The following AAMDC variants were observed in gnomAD, a reference collection of about 807,000 sequenced individuals.
The protein encoded by AAMDC is adipogenesis associated Mth938 domain containing.
AAMDC carries 16 observed loss-of-function variants against 15.5 expected under a neutral mutation model. The ratio of observed to expected loss-of-function variants is 1.03; its 90% CI spans 0.70 to 1.57. The LOEUF (loss-of-function observed/expected upper bound fraction) is 1.57. Ranked by LOEUF, AAMDC falls within the 40% of genes most tolerant of loss-of-function variation. AAMDC has a pLI of 0.00. For missense variants in AAMDC, 141 were observed against 144.9 expected (o/e 0.97, Z 0.14); for synonymous variants, 51 against 51.6 (o/e 0.99, Z 0.05).
intron 5 of AAMDC, among the ~76,000 whole-genome samples, chr11:77,886,837 C>A (rs898293687): frequency 2.0e-5 from 3 of 152,094 alleles, no homozygotes; most frequent in African/African-American, 7.2e-5. Context: ...ACAACCTGCT[C>A]CTGAATGACT....
exon 6 of AAMDC, chr11:77,900,583 G>A (rs1591032308): frequency 4.3e-6 from 3 of 694,568 alleles, no homozygotes; most frequent in Non-Finnish European, 7.8e-6. Context: ...GCTGGACTGA[G>A]CATCAAACAT....
At chr11:77,846,213 C>A (rs1950140444) in intron 2 of AAMDC, among the ~76,000 whole-genome samples, 1 of 152,162 alleles carries the variant, frequency 6.6e-6, no homozygotes, top group Admixed American at 6.5e-5. Flanking sequence ...ACTGAGATTT[C>A]TTTACATTGC....
intron 2 of AAMDC, among the ~76,000 whole-genome samples, chr11:77,859,778 ATCTTT>A (rs1239953382): frequency 2.6e-5 from 4 of 152,252 alleles, no homozygotes; most frequent in Non-Finnish European, 5.9e-5. Context: ...GTTATGTTCT[ATCTTT>A]TCTTCATTGT....
At chr11:77,898,541 T>A (rs1269093943) in intron 5 of AAMDC, among the ~76,000 whole-genome samples, 2 of 152,256 alleles carry the variant, frequency 1.3e-5, no homozygotes, top group Non-Finnish European at 2.9e-5. Context: ...ATCATGTTTA[T>A]CTATTAGATC....
intron 2 of AAMDC, among the ~76,000 whole-genome samples, chr11:77,844,549 A>T (rs1169534143): frequency 6.6e-6 from 1 of 151,754 alleles, no homozygotes; most frequent in Non-Finnish European, 1.5e-5. Flanking sequence ...TTTTATAGAG[A>T]TGAGGTCTCA....
At chr11:77,832,641 T>G (rs761808790) in intron 1 of AAMDC, among the ~76,000 whole-genome samples, 1 of 151,886 alleles carries the variant, frequency 6.6e-6, no homozygotes, top group Non-Finnish European at 1.5e-5. Flanking sequence ...GGAACTTTTA[T>G]ATTTATTCTT....
intron 5 of AAMDC, among the ~76,000 whole-genome samples, chr11:77,890,399 G>C (rs1485325818): frequency 6.6e-6 from 1 of 152,010 alleles, no homozygotes; most frequent in Non-Finnish European, 1.5e-5. Context: ...GCCAGTGCTT[G>C]CATCCCTGCT....
chr11:77,832,415 C>T (rs1416775116), intron 1 of AAMDC, among the ~76,000 whole-genome samples: 1 of 150,612 alleles, frequency 6.6e-6, no homozygotes, highest in African/African-American at 2.4e-5. Flanking sequence ...CAACCTCCGC[C>T]TCCCGGGTTC....
chr11:77,855,794 T>C (rs1950596035), intron 2 of AAMDC, among the ~76,000 whole-genome samples: 1 of 151,580 alleles, frequency 6.6e-6, no homozygotes, highest in Non-Finnish European at 1.5e-5. Flanking sequence ...TTGAGTGTTT[T>C]GCTGCTTAAA....
intron 2 of AAMDC, among the ~76,000 whole-genome samples, chr11:77,850,012 C>G (rs1950307388): frequency 6.6e-6 from 1 of 152,180 alleles, no homozygotes; most frequent in South Asian, 2.1e-4. Context: ...CTAAGGTTAG[C>G]AAGAACTATG....
At chr11:77,857,677 C>T (rs1950681224) in intron 2 of AAMDC, among the ~76,000 whole-genome samples, 1 of 150,458 alleles carries the variant, frequency 6.6e-6, no homozygotes, top group South Asian at 2.1e-4. Flanking sequence ...TTTGCTGCAC[C>T]TATCAACCCA....
intron 2 of AAMDC, among the ~76,000 whole-genome samples, chr11:77,848,382 G>A (rs1213884609): frequency 2.6e-5 from 4 of 151,316 alleles, no homozygotes; most frequent in South Asian, 2.1e-4. Flanking sequence ...TTTTTGAGAC[G>A]GAGTCTTGCT....
chr11:77,881,123 G>A (rs1290278491), intron 5 of AAMDC, among the ~76,000 whole-genome samples: 1 of 152,146 alleles, frequency 6.6e-6, no homozygotes, highest in Non-Finnish European at 1.5e-5. Context: ...CTTGGGAGAA[G>A]GAGACAAGAT....
At chr11:77,831,562 A>G (rs1590925866) in intron 1 of AAMDC, among the ~76,000 whole-genome samples, 2 of 152,254 alleles carry the variant, frequency 1.3e-5, no homozygotes, top group East Asian at 3.9e-4. Flanking sequence ...TGGTGTTCTG[A>G]GAACCAATCT....
chr11:77,884,080 T>G, intron 5 of AAMDC: 1 of 918,866 alleles, frequency 1.1e-6, no homozygotes, highest in East Asian at 2.8e-5. Flanking sequence ...AGATTGAGCC[T>G]TGGGGGTAGG....
intron 2 of AAMDC, among the ~76,000 whole-genome samples, chr11:77,859,237 G>T (rs1212753747): frequency 6.6e-6 from 1 of 152,150 alleles, no homozygotes; most frequent in East Asian, 1.9e-4. Flanking sequence ...CATATTAGGG[G>T]TCCTTCTATA....
At position 77,848,658 on chromosome 11, in the gene AAMDC, C is replaced by T. The variant is rs553028413; in HGVS notation, c.132+6030C>T. On this transcript the variant is annotated intron_variant, in intron 2 of 3. Coordinates refer to ENST00000393427, the MANE Select transcript of AAMDC (RefSeq NM_024684.4). ...TACAAGTGTGAGCCACCGTGCCTGG[C>T]CAACCTCATTCTTTATAGAAACTTA... Among the ~76,000 whole-genome samples, 214 of 152,270 alleles carry T rather than the reference C, an allele frequency of 1.4e-3. 1 individual carries two copies. Among genetic ancestry groups the T allele is most frequent in the African/African-American group, 4.9e-3 (204 of 41,560 alleles).
intron 2 of AAMDC, among the ~76,000 whole-genome samples, chr11:77,858,754 G>C (rs765664363): frequency 5.3e-5 from 8 of 152,180 alleles, no homozygotes; most frequent in African/African-American, 9.7e-5. Flanking sequence ...GGATGCCTTT[G>C]ATGTCATTAA....
At chr11:77,899,592 C>T (rs1952688233) in intron 5 of AAMDC, among the ~76,000 whole-genome samples, 1 of 151,958 alleles carries the variant, frequency 6.6e-6, no homozygotes, top group Non-Finnish European at 1.5e-5. Context: ...ATCGCTTGAA[C>T]CCAGGAGGCA....
Sources: gnomAD v4.1 joint callset for allele counts (sites outside exome capture counted in the v4.1 genomes callset) on GRCh38, gnomAD v4.1.1 for gene constraint, MANE v1.5 for transcripts, NCBI Gene and HGNC (gene_info 2026-07-23, HGNC 2026-07-21) for gene names.